Variants in ADGRG6 observed in about 807,000 individuals in gnomAD.
The protein encoded by ADGRG6 is G-protein coupled receptor 126.
ADGRG6 carries 84 observed loss-of-function variants against 142.4 expected under a neutral mutation model. That is an observed-to-expected ratio of 0.59 (90% CI 0.49 to 0.71). ADGRG6 has a LOEUF of 0.71. ADGRG6 is among the 30% of genes least tolerant of loss of function. The pLI, the probability that ADGRG6 is intolerant of heterozygous loss-of-function variation, is 0.00. For synonymous variants in ADGRG6, 521 were observed against 520.5 expected (o/e 1.00, Z -0.01); for missense variants, 1,367 against 1,466.6 (o/e 0.93, Z 1.11).
chr6:142,440,644 C>CA (rs1777710765), intron 24 of ADGRG6, among the ~76,000 whole-genome samples: 1 of 152,032 alleles, frequency 6.6e-6, no homozygotes, highest in Non-Finnish European at 1.5e-5. Flanking sequence ...TTTCCCTTAA[C>CA]AAAAAACCCT....
chr6:142,348,168 C>T (rs1263790719), intron 2 of ADGRG6, among the ~76,000 whole-genome samples: 2 of 152,024 alleles, frequency 1.3e-5, no homozygotes, highest in Non-Finnish European at 2.9e-5. Context: ...TCATACCGCC[C>T]GCTTACCAGA....
intron 2 of ADGRG6, among the ~76,000 whole-genome samples, chr6:142,321,680 C>T (rs189268394): frequency 1.0e-3 from 156 of 152,098 alleles, no homozygotes; most frequent in Non-Finnish European, 1.4e-3. Flanking sequence ...ACACTGGTGG[C>T]CTCTAGGGAG....
chr6:142,387,655 G>A (rs548852385), intron 6 of ADGRG6, among the ~76,000 whole-genome samples: 26 of 152,098 alleles, frequency 1.7e-4, no homozygotes, highest in South Asian at 1.5e-3. Flanking sequence ...TGTATTTTAC[G>A]TCCTTGAAAT....
intron 24 of ADGRG6, among the ~76,000 whole-genome samples, chr6:142,439,145 A>T (rs957452724): frequency 6.6e-6 from 1 of 152,176 alleles, no homozygotes; most frequent in Non-Finnish European, 1.5e-5. Flanking sequence ...GCAAGACCCC[A>T]TCTCAAAAAA....
chr6:142,419,027 G>A lies in ADGRG6; in HGVS notation c.3036-794G>A, dbSNP rs186763858. Among the ~76,000 whole-genome samples the A allele has an allele frequency of 2.9e-4, 44 of 152,072 alleles. 1 individual carries two copies. The highest frequency in any genetic ancestry group is 3.9e-4 in the East Asian group (2 of 5,180). On this transcript the variant is annotated intron_variant, in intron 21 of 24. Coordinates refer to ENST00000367609, the MANE Select transcript of ADGRG6 (RefSeq NM_198569.3). ...ATATTTTGTAATCATTGTAAGCTAC[G>A]TAATTGTGCATGACAACCATCTGTA... is the stretch of plus-strand genomic sequence containing the variant.
At chr6:142,371,488 T>TGG (rs1781255730) in intron 4 of ADGRG6, among the ~76,000 whole-genome samples, 3 of 127,054 alleles carry the variant, frequency 2.4e-5, no homozygotes, top group Admixed American at 1.6e-4. Context: ...TTTTTTGTTT[T>TGG]TTTTTTTTTT....
chr6:142,379,694 G>A (rs1781668416), intron 4 of ADGRG6, among the ~76,000 whole-genome samples: 1 of 152,172 alleles, frequency 6.6e-6, no homozygotes, highest in African/African-American at 2.4e-5. Flanking sequence ...GGGAACCCGG[G>A]AGGCAGAGTT....
intron 2 of ADGRG6, among the ~76,000 whole-genome samples, chr6:142,341,270 C>T (rs531659976): frequency 6.7e-6 from 1 of 149,034 alleles, no homozygotes; most frequent in African/African-American, 2.5e-5. Context: ...TGACTTTTGG[C>T]AGTTACTTAA....
intron 2 of ADGRG6, among the ~76,000 whole-genome samples, chr6:142,321,963 C>T (rs1363532928): frequency 6.6e-6 from 1 of 152,120 alleles, no homozygotes; most frequent in Non-Finnish European, 1.5e-5. Context: ...GAATTACGTG[C>T]TAGCTTTCTA....
chr6:142,334,919 T>C (rs1366480284), intron 2 of ADGRG6, among the ~76,000 whole-genome samples: 1 of 152,176 alleles, frequency 6.6e-6, no homozygotes, highest in African/African-American at 2.4e-5. Flanking sequence ...AAATATAAGA[T>C]TTTTTGAAAG....
At chr6:142,311,447 A>G (rs565378056) in intron 2 of ADGRG6, among the ~76,000 whole-genome samples, 1 of 151,926 alleles carries the variant, frequency 6.6e-6, no homozygotes, top group Non-Finnish European at 1.5e-5. Flanking sequence ...AGAGGGTCTT[A>G]TAGGTATTTT....
intron 4 of ADGRG6, among the ~76,000 whole-genome samples, chr6:142,378,573 T>C (rs1781604538): frequency 1.3e-5 from 2 of 152,254 alleles, no homozygotes; most frequent in Admixed American, 6.5e-5. Flanking sequence ...ACCTCAGTCC[T>C]GCCTTAACTT....
At chr6:142,416,175 A>C (rs1776350872) in intron 20 of ADGRG6, 111 bp downstream of exon 20, 1 of 739,400 alleles carries the variant, frequency 1.4e-6, no homozygotes, top group Admixed American at 2.8e-5. Context: ...AGGAACCTCA[A>C]AATTGTGAAT....
chr6:142,354,144 A>T (rs6921559), intron 2 of ADGRG6, among the ~76,000 whole-genome samples: 2,084 of 152,310 alleles, frequency 0.014, 57 homozygotes, highest in African/African-American at 0.047. Context: ...TTTAAAAATA[A>T]TAAATAATTT....
chr6:142,389,644 A>G (rs762474246), intron 6 of ADGRG6, among the ~76,000 whole-genome samples: 2 of 151,858 alleles, frequency 1.3e-5, no homozygotes, highest in Non-Finnish European at 3.0e-5. Context: ...TCTACCTGCA[A>G]ATATTGTTTC....
intron 2 of ADGRG6, among the ~76,000 whole-genome samples, chr6:142,358,212 G>A (rs1307827602): frequency 6.6e-6 from 1 of 152,146 alleles, no homozygotes; most frequent in Non-Finnish European, 1.5e-5. Flanking sequence ...TGCTGCCTAG[G>A]TAATCCATAT....
intron 18 of ADGRG6, among the ~76,000 whole-genome samples, chr6:142,413,899 T>TCA (rs112923600): frequency 0.045 from 6,397 of 141,390 alleles, 162 homozygotes; most frequent in Middle Eastern, 0.082. Context: ...CATTTCTTTA[T>TCA]CACACACACA....
intron 5 of ADGRG6, among the ~76,000 whole-genome samples, chr6:142,383,527 T>G (rs573310566): frequency 6.6e-6 from 1 of 152,240 alleles, no homozygotes; most frequent in South Asian, 2.1e-4. Flanking sequence ...CATCACTATG[T>G]GCTTGCTCCA....
At chr6:142,308,000 C>T (rs1777586387) in intron 1 of ADGRG6, among the ~76,000 whole-genome samples, 1 of 151,892 alleles carries the variant, frequency 6.6e-6, no homozygotes, top group Admixed American at 6.6e-5. Context: ...CAGGTGATCC[C>T]AGAAGTGACC....
Sources: allele counts gnomAD v4.1 joint callset (sites outside exome capture counted in the v4.1 genomes callset), GRCh38; gene constraint gnomAD v4.1.1; transcripts MANE v1.5; gene names NCBI Gene and HGNC (gene_info 2026-07-23, HGNC 2026-07-21).